PDZD2: variants seen among roughly 807,000 people sequenced by gnomAD.
PDZD2 encodes PDZ domain containing 2, also known as PDZ domain-containing protein 2.
Under a neutral mutation model 220.7 loss-of-function variants are expected in PDZD2, and 90 were observed. The ratio of observed to expected loss-of-function variants is 0.41; its 90% CI spans 0.34 to 0.49. PDZD2 has a LOEUF of 0.49. Among genes scored for constraint, PDZD2 ranks in the 20% least tolerant of loss-of-function variants. The pLI is 0.28. For missense variants in PDZD2, 3,174 were observed against 3,608.5 expected (o/e 0.88, Z 3.08); for synonymous variants, 1,375 against 1,450.5 (o/e 0.95, Z 1.18).
chr5:31,698,920 G>A (rs1425642703), intron 1 of PDZD2, among the ~76,000 whole-genome samples: 1 of 152,192 alleles, frequency 6.6e-6, no homozygotes, highest in Non-Finnish European at 1.5e-5. Context: ...TGGAATGGCA[G>A]GCAGAGGATG....
intron 2 of PDZD2, among the ~76,000 whole-genome samples, chr5:31,921,626 G>A (rs1277279726): frequency 6.6e-6 from 1 of 152,140 alleles, no homozygotes; most frequent in Non-Finnish European, 1.5e-5. Context: ...TGAGGCAGAA[G>A]TTGCAGTGAA....
intron 2 of PDZD2, among the ~76,000 whole-genome samples, chr5:31,821,183 A>T (rs549195892): frequency 4.6e-5 from 7 of 151,840 alleles, no homozygotes; most frequent in Non-Finnish European, 1.0e-4. Context: ...GGATGATGTC[A>T]TTTTCCCAAA....
In PDZD2 at chr5:31,894,534, A is replaced by C. The variant is rs899541246; in HGVS notation, c.477-88621A>C. On this transcript the variant is annotated intron_variant, in intron 2 of 24. Transcript: ENST00000438447. Reference sequence around the variant, plus strand: ...ATTACTTTAAAAAAATAATCTTTAAAGGGAAAATTCTCTTCAATCCCACCA... The same window carrying C: ...ATTACTTTAAAAAAATAATCTTTAACGGGAAAATTCTCTTCAATCCCACCA... Among the ~76,000 whole-genome samples the C allele has an allele frequency of 9.8e-5, 15 of 152,298 alleles. No individual in the cohort carries two copies. In the East Asian group the frequency reaches 2.5e-3, roughly 25 times the overall value.
chr5:31,892,329 A>G (rs914616126), intron 2 of PDZD2, among the ~76,000 whole-genome samples: 1 of 152,258 alleles, frequency 6.6e-6, no homozygotes, highest in Non-Finnish European at 1.5e-5. Context: ...AAAGGACATG[A>G]TCTTAAAAAT....
intron 1 of PDZD2, among the ~76,000 whole-genome samples, chr5:31,737,462 G>A (rs183363178): frequency 3.6e-3 from 546 of 152,186 alleles, no homozygotes; most frequent in Non-Finnish European, 5.7e-3. Context: ...GTGAGCTACC[G>A]CGCCCGGCCA....
chr5:31,975,793 C>CTT lies in PDZD2; in HGVS notation c.477-7354_477-7353dup, dbSNP rs879288343. 6.8e-3 allele frequency among the ~76,000 whole-genome samples: 375 copies of CTT among 55,154 alleles called. 55 individuals carry two copies. The highest frequency in any genetic ancestry group is 0.019 in the African/African-American group (222 of 11,792). The allele number at this position is 55,154 out of a possible 152,430, so 36.2% of individuals were successfully genotyped here. A position where few individuals can be genotyped will look rare whatever the true frequency, so the allele number is the denominator to read the frequency against. ...ATGAGCACACTGAAGGTATCAGTCA[C>CTT]TTTTTTTTTATTTATTTTTTTTTTT... On this transcript the variant is annotated intron_variant, in intron 2 of 24. Transcript: ENST00000438447.
chr5:32,087,365 G>T lies in PDZD2; in HGVS notation c.3917G>T (p.Arg1306Leu), dbSNP rs544825168. ...AAAPPDYSKT[R>L]SASETSTPHN... The stretch of plus-strand genomic sequence containing the variant: ...GCTCCCCCTGACTACAGCAAGACTC[G>T]ATCAGCATCGGAAACCAGCACACCC... Residue 1306 changes from arginine to leucine, a missense_variant, in exon 20 of 25, where the codon CGA (arginine) becomes CTA (leucine). Coordinates refer to ENST00000438447, the MANE Select transcript of PDZD2 (RefSeq NM_178140.4). This position sits in a 1 kb window ranked among gnomAD's most constrained non-coding sequence, Gnocchi z 4.0. 10 of 1,613,892 alleles carry T rather than the reference G, an allele frequency of 6.2e-6. No individual in the cohort carries two copies. Among genetic ancestry groups the T allele is most frequent in the African/African-American group, 5.3e-5 (4 of 74,928 alleles).
intron 2 of PDZD2, chr5:31,923,406 C>G: frequency 1.6e-6 from 2 of 1,265,966 alleles, no homozygotes; most frequent in South Asian, 2.4e-5. Flanking sequence ...GAGACTGCAG[C>G]AGCTCTTCAA....
At chr5:31,727,246 A>G (rs1749202504) in intron 1 of PDZD2, among the ~76,000 whole-genome samples, 1 of 152,204 alleles carries the variant, frequency 6.6e-6, no homozygotes, top group African/African-American at 2.4e-5. Context: ...CTTGCCAAGA[A>G]TAGGCATGAG....
At chr5:31,780,888 G>T (rs1306831338) in intron 1 of PDZD2, among the ~76,000 whole-genome samples, 2 of 152,170 alleles carry the variant, frequency 1.3e-5, no homozygotes, top group Non-Finnish European at 2.9e-5. Context: ...ACATCCAGAG[G>T]AAGAAGAGAG....
chr5:32,082,763 G>A (rs1473643467), intron 19 of PDZD2, among the ~76,000 whole-genome samples: 1 of 152,194 alleles, frequency 6.6e-6, no homozygotes, highest in Non-Finnish European at 1.5e-5. Context: ...TCCTAAGAAA[G>A]TTTTAGAAAC....
chr5:31,794,699 G>A lies in PDZD2; in HGVS notation c.-360-4190G>A, dbSNP rs115119934. Among the ~76,000 whole-genome samples, 615 of 152,034 alleles carry A rather than the reference G, an allele frequency of 4.0e-3. 3 individuals carry two copies. The highest frequency in any genetic ancestry group is 0.014 in the African/African-American group (569 of 41,472). Reference sequence around the variant, plus strand: ...TGGGATTACAGGTATGAACCACTACGCCCAGCCCATAGTTGGTTTCTTTTA... The same window carrying A: ...TGGGATTACAGGTATGAACCACTACACCCAGCCCATAGTTGGTTTCTTTTA... On this transcript the variant is annotated intron_variant, in intron 1 of 24. Coordinates refer to ENST00000438447, the MANE Select transcript of PDZD2 (RefSeq NM_178140.4).
At chr5:32,100,783 G>A (rs566079081) in intron 23 of PDZD2, 281 of 772,338 alleles carry the variant, frequency 3.6e-4, no homozygotes, top group Middle Eastern at 4.4e-4. Flanking sequence ...GTGCACAGCC[G>A]GTGTGGGGGG....
chr5:31,740,729 A>G (rs912510673), intron 1 of PDZD2, among the ~76,000 whole-genome samples: 3 of 152,102 alleles, frequency 2.0e-5, no homozygotes, highest in African/African-American at 7.2e-5. Flanking sequence ...CAATTAGGGC[A>G]AGAACAAGAT....
chr5:32,059,205 TG>T lies in PDZD2; in HGVS notation c.2201-33del, dbSNP rs776341111. The T allele has an allele frequency of 1.6e-5, 19 of 1,164,890 alleles. 2 individuals are homozygous for T. The South Asian group carries it at 2.3e-4, about 14-fold the overall frequency. The allele number at this position is 1,164,890 out of a possible 1,614,324, so 72.2% of individuals were successfully genotyped here. A position where few individuals can be genotyped will look rare whatever the true frequency, so the allele number is the denominator to read the frequency against. ...TTTTTTCTAGTGATTGTGTAATTTT[TG>T]TTTTTATTTTCTTTGAATGGTGCCT... On this transcript the variant is annotated intron_variant, in intron 12 of 24. Transcript: ENST00000438447.
intron 2 of PDZD2, among the ~76,000 whole-genome samples, chr5:31,910,830 A>G (rs1038400186): frequency 1.3e-5 from 2 of 152,106 alleles, no homozygotes; most frequent in Admixed American, 1.3e-4. Flanking sequence ...ACGCCCAGCC[A>G]GTTCCTGCTT....
chr5:31,955,622 T>C (rs1747594379), intron 2 of PDZD2, among the ~76,000 whole-genome samples: 1 of 151,318 alleles, frequency 6.6e-6, no homozygotes, highest in South Asian at 2.1e-4. Context: ...TTTCCTAGTC[T>C]CTCATTTATC....
intron 2 of PDZD2, among the ~76,000 whole-genome samples, chr5:31,960,739 T>C (rs935358270): frequency 1.5e-5 from 2 of 137,638 alleles, no homozygotes; most frequent in Admixed American, 1.4e-4. Flanking sequence ...AAGTAACCCG[T>C]GCTTCTGTTG....
intron 2 of PDZD2, among the ~76,000 whole-genome samples, chr5:31,962,826 C>T (rs897143865): frequency 3.9e-5 from 6 of 152,170 alleles, no homozygotes; most frequent in African/African-American, 1.4e-4. Flanking sequence ...AGGAACTCCT[C>T]TGTTCAAATG....
Sources: allele counts gnomAD v4.1 joint callset (sites outside exome capture counted in the v4.1 genomes callset), GRCh38; gene constraint gnomAD v4.1.1; non-coding constraint Gnocchi (gnomAD v3.1); transcripts MANE v1.5; gene names NCBI Gene and HGNC (gene_info 2026-07-23, HGNC 2026-07-21).